Variants in ZNF385D observed in about 807,000 individuals in gnomAD.
ZNF385D encodes zinc finger protein 659.
In ZNF385D, 15 loss-of-function variants were observed where a neutral mutation model predicts 35.8. The observed-to-expected ratio is 0.42, with a 90% CI of 0.28 to 0.64. The LOEUF (loss-of-function observed/expected upper bound fraction) is 0.64. ZNF385D is among the 30% of genes least tolerant of loss of function. The probability of loss-of-function intolerance (pLI) is 0.23; values close to 1 mark genes in which losing one functional copy is unlikely to be tolerated. For missense variants in ZNF385D, 474 were observed against 494.6 expected (o/e 0.96, Z 0.39); for synonymous variants, 212 against 186.8 (o/e 1.13, Z -1.10).
chr3:21,529,287 TCTTTGA>T (rs1192825904), intron 3 of ZNF385D, among the ~76,000 whole-genome samples: 1 of 152,170 alleles, frequency 6.6e-6, no homozygotes, highest in Non-Finnish European at 1.5e-5. Context: ...CTGATATTCC[TCTTTGA>T]CTTTGACCGA....
chr3:22,114,501 G>A (rs189483787), intron 3 of ZNF385D, among the ~76,000 whole-genome samples: 4 of 152,080 alleles, frequency 2.6e-5, no homozygotes, highest in East Asian at 1.9e-4. Flanking sequence ...AGTTTATTTG[G>A]GAAGTGATCT....
At chr3:21,844,044 G>A (rs187425881) in intron 3 of ZNF385D, among the ~76,000 whole-genome samples, 1 of 152,062 alleles carries the variant, frequency 6.6e-6, no homozygotes, top group Admixed American at 6.6e-5. Context: ...TCTAGGAATT[G>A]TGTTGGAATT....
At chr3:21,918,552 A>C (rs4858370) in intron 3 of ZNF385D, among the ~76,000 whole-genome samples, 42,684 of 152,016 alleles carry the variant, frequency 0.28, 7,013 homozygotes, top group Admixed American at 0.43. Flanking sequence ...AATGCTCATA[A>C]TTTTCACATT....
At chr3:21,681,049 T>C (rs1227884676) in intron 1 of ZNF385D, among the ~76,000 whole-genome samples, 1 of 152,030 alleles carries the variant, frequency 6.6e-6, no homozygotes, top group African/African-American at 2.4e-5. Flanking sequence ...TAGCTACATT[T>C]ACATTTAGCT....
intron 3 of ZNF385D, among the ~76,000 whole-genome samples, chr3:22,015,228 A>T (rs1696812150): frequency 6.6e-6 from 1 of 152,196 alleles, no homozygotes; most frequent in Admixed American, 6.5e-5. Context: ...GATGCGTTTT[A>T]TAGCAGCACT....
chr3:22,156,734 C>G (rs534731037), intron 3 of ZNF385D, among the ~76,000 whole-genome samples: 46 of 152,186 alleles, frequency 3.0e-4, no homozygotes, highest in African/African-American at 1.0e-3. Flanking sequence ...CTGACTTTCT[C>G]TATTTCTAAC....
chr3:21,789,600 C>G (rs112261361), intron 3 of ZNF385D, among the ~76,000 whole-genome samples: 235 of 152,194 alleles, frequency 1.5e-3, no homozygotes, highest in African/African-American at 5.5e-3. Flanking sequence ...TTTTAACTGC[C>G]TTACTGCAAA....
intron 2 of ZNF385D, among the ~76,000 whole-genome samples, chr3:22,366,286 G>T (rs28452093): frequency 0.21 from 32,085 of 151,952 alleles, 3,851 homozygotes; most frequent in Non-Finnish European, 0.28. Flanking sequence ...TCATTGTCTA[G>T]GGTAATGCTA....
chr3:22,279,058 G>C (rs181381057), intron 2 of ZNF385D, among the ~76,000 whole-genome samples: 29 of 152,182 alleles, frequency 1.9e-4, no homozygotes, highest in Admixed American at 1.2e-3. Context: ...TCCTGTCATA[G>C]CAAAGAGTAG....
chr3:21,416,392 AC>A lies in ZNF385D; in HGVS notation c.*4821del, dbSNP rs1382881777. On this transcript the variant is annotated 3_prime_UTR_variant, in exon 8 of 8. Transcript: ENST00000281523. ...TAGAACCTGCCTTTTGTCACCATTC[AC>A]ATTCTGGTAAGTTGTAAGTCCATTC... 6.6e-6 allele frequency: 1 copy of A among 152,098 alleles called. No individual in the cohort carries two copies. Among genetic ancestry groups the A allele is most frequent in the Admixed American group, 6.6e-5 (1 of 15,258 alleles). 9.4% of individuals were successfully genotyped at this position (152,098 alleles called of 1,614,324 possible).
intron 3 of ZNF385D, among the ~76,000 whole-genome samples, chr3:21,518,782 GATAGA>G (rs1332801042): frequency 6.6e-6 from 1 of 151,978 alleles, no homozygotes; most frequent in Non-Finnish European, 1.5e-5. Context: ...GAAATTTAAA[GATAGA>G]ATAGTTCATT....
intron 2 of ZNF385D, among the ~76,000 whole-genome samples, chr3:22,254,056 A>G (rs1700190586): frequency 6.6e-6 from 1 of 151,978 alleles, no homozygotes; most frequent in African/African-American, 2.4e-5. Flanking sequence ...AACACAAATT[A>G]TAAAGCACAC....
At chr3:21,767,683 G>C (rs984520640) in intron 3 of ZNF385D, among the ~76,000 whole-genome samples, 1 of 150,742 alleles carries the variant, frequency 6.6e-6, no homozygotes, top group Non-Finnish European at 1.5e-5. Context: ...TAAGGTGGGG[G>C]GTGGGAGAGG....
At chr3:22,370,067 T>C (rs1696833555) in intron 2 of ZNF385D, among the ~76,000 whole-genome samples, 1 of 152,194 alleles carries the variant, frequency 6.6e-6, no homozygotes, top group African/African-American at 2.4e-5. Flanking sequence ...TTGATGCACC[T>C]GGTAAATAGC....
At chr3:22,176,920 T>G (rs956117012) in intron 2 of ZNF385D, among the ~76,000 whole-genome samples, 9 of 152,198 alleles carry the variant, frequency 5.9e-5, no homozygotes, top group Admixed American at 3.9e-4. Context: ...AGATATGTCT[T>G]AAATTTCAAC....
chr3:22,189,091 A>G (rs1017132317), intron 2 of ZNF385D, among the ~76,000 whole-genome samples: 2 of 152,110 alleles, frequency 1.3e-5, no homozygotes, highest in Admixed American at 6.6e-5. Context: ...GGTAACTCCA[A>G]CATTTCTACA....
intron 2 of ZNF385D, among the ~76,000 whole-genome samples, chr3:22,185,057 T>C (rs981822466): frequency 1.3e-5 from 2 of 152,168 alleles, no homozygotes; most frequent in Non-Finnish European, 2.9e-5. Context: ...TTGCTGTACA[T>C]TGGATATTGT....
intron 3 of ZNF385D, among the ~76,000 whole-genome samples, chr3:21,843,616 G>A (rs1434450569): frequency 1.3e-5 from 2 of 151,900 alleles, no homozygotes; most frequent in South Asian, 4.1e-4. Context: ...ACTGTACTAG[G>A]CACTTCAAGA....
intron 3 of ZNF385D, among the ~76,000 whole-genome samples, chr3:22,136,973 A>T (rs1316644128): frequency 6.6e-6 from 1 of 152,130 alleles, no homozygotes; most frequent in Admixed American, 6.6e-5. Flanking sequence ...TAGGGCAGTA[A>T]AACTATTCTA....
Sources: allele counts gnomAD v4.1 joint callset (sites outside exome capture counted in the v4.1 genomes callset), GRCh38; gene constraint gnomAD v4.1.1; transcripts MANE v1.5; gene names NCBI Gene and HGNC (gene_info 2026-07-23, HGNC 2026-07-21).